The following CTDP1 variants were observed in gnomAD, a reference collection of about 807,000 sequenced individuals.
The protein encoded by CTDP1 is CTD phosphatase 1, also known as RNA polymerase II subunit A C-terminal domain phosphatase.
CTDP1 carries 47 observed loss-of-function variants against 91.8 expected under a neutral mutation model. The ratio of observed to expected loss-of-function variants is 0.51; its 90% CI spans 0.41 to 0.65. The LOEUF (loss-of-function observed/expected upper bound fraction) is 0.65, where lower values mean the gene tolerates loss of function less well. Ranked by LOEUF, CTDP1 falls within the 30% of genes least tolerant of loss-of-function variation. The pLI, the probability that CTDP1 is intolerant of heterozygous loss-of-function variation, is 0.00. For synonymous variants in CTDP1, 656 were observed against 598.5 expected (o/e 1.10, Z -1.40); for missense variants, 1,272 against 1,373.7 (o/e 0.93, Z 1.17).
chr18:79,706,178 C>T (rs1257902649), intron 5 of CTDP1, among the ~76,000 whole-genome samples: 5 of 152,196 alleles, frequency 3.3e-5, no homozygotes, highest in African/African-American at 9.7e-5. Flanking sequence ...AAGCCGGCGC[C>T]CACTGACCTG....
intron 4 of CTDP1, among the ~76,000 whole-genome samples, chr18:79,698,483 G>GT (rs1249449776): frequency 6.6e-6 from 1 of 152,198 alleles, no homozygotes; most frequent in Non-Finnish European, 1.5e-5. Context: ...GGGAAACACG[G>GT]GGAAATGCAG....
intron 3 of CTDP1, 122 bp from the exon 4 acceptor site, chr18:79,697,738 A>ATGGAGCG: frequency 6.9e-7 from 1 of 1,452,738 alleles, no homozygotes; most frequent in Non-Finnish European, 9.5e-7. Flanking sequence ...GGCGCAGTCC[A>ATGGAGCG]TGGAGCGTGG....
chr18:79,705,106 C>G (rs369631321), intron 5 of CTDP1, among the ~76,000 whole-genome samples, 189 bp downstream of exon 5: 1 of 152,110 alleles, frequency 6.6e-6, no homozygotes, highest in Non-Finnish European at 1.5e-5. Flanking sequence ...TGGGTGGGGC[C>G]GCGGCTGCTC....
chr18:79,710,547 G>A (rs2086059272), intron 6 of CTDP1, 111 bp downstream of exon 6: 2 of 836,308 alleles, frequency 2.4e-6, no homozygotes, highest in Admixed American at 1.9e-5. Context: ...TTTTGAGACG[G>A]AGTCTTGCTG....
chr18:79,747,681 G>A (rs1313920306), intron 12 of CTDP1, among the ~76,000 whole-genome samples: 4 of 152,254 alleles, frequency 2.6e-5, no homozygotes, highest in Non-Finnish European at 5.9e-5. Context: ...TATCCGCCAT[G>A]CGCAGCGCCT....
Position 79,754,150 on chromosome 18 carries a change from C to A in CTDP1, c.*360C>A. The A allele has an allele frequency of 2.8e-6, 1 of 360,114 alleles. No homozygotes were observed. Among genetic ancestry groups the A allele is most frequent in the South Asian group, 2.3e-5 (1 of 43,504 alleles). 22.3% of individuals were successfully genotyped at this position (360,114 alleles called of 1,614,324 possible). On this transcript the variant is annotated 3_prime_UTR_variant, in exon 13 of 13. Transcript: ENST00000613122. The stretch of plus-strand genomic sequence containing the variant: ...CCTTAGGGGACGGCTTTGGGGGTCC[C>A]ACGAGACATGGACTAGGAGTTTAAG...
At chr18:79,700,087 C>T (rs920041950) in intron 4 of CTDP1, among the ~76,000 whole-genome samples, 1 of 152,204 alleles carries the variant, frequency 6.6e-6, no homozygotes, top group Non-Finnish European at 1.5e-5. Context: ...CTGACTGCTC[C>T]ACCAACTGGC....
intron 1 of CTDP1, among the ~76,000 whole-genome samples, chr18:79,692,697 G>A (rs1474807170): frequency 6.6e-6 from 1 of 152,098 alleles, no homozygotes; most frequent in Non-Finnish European, 1.5e-5. Context: ...AGCCCGCCGT[G>A]AGCTGGTGTC....
intron 12 of CTDP1, among the ~76,000 whole-genome samples, chr18:79,752,056 C>T (rs896647935): frequency 6.6e-6 from 1 of 152,146 alleles, no homozygotes; most frequent in African/African-American, 2.4e-5. Context: ...AGCACGGCAC[C>T]AGGAGGGAGG....
chr18:79,739,794 A>T (rs1368118713), intron 12 of CTDP1, among the ~76,000 whole-genome samples: 1 of 151,112 alleles, frequency 6.6e-6, no homozygotes, highest in East Asian at 2.0e-4. Flanking sequence ...TGGGACTCTC[A>T]TACCCACGGC....
downstream of CTDP1, chr18:79,756,128 A>G (rs2087090470): frequency 6.6e-6 from 1 of 152,474 alleles, no homozygotes; most frequent in Admixed American, 6.5e-5. Flanking sequence ...GCCGTGCTGC[A>G]CACCTTCTCC....
In CTDP1 at chr18:79,713,091, A is replaced by G. The variant is rs1277209962; in HGVS notation, c.983A>G (p.Asp328Gly). The G allele has an allele frequency of 6.2e-7, 1 of 1,614,046 alleles. No homozygotes were observed. Among genetic ancestry groups the G allele is most frequent in the Non-Finnish European group, 8.5e-7 (1 of 1,180,040 alleles). The change falls in exon 7 of 13, where the codon GAT (aspartate) becomes GGT (glycine). Residue 328 changes from aspartate (D) to glycine (G), a missense_variant. Physicochemically the swap from Asp to Gly is moderately conservative, Grantham distance 94. Transcript: ENST00000613122. This position sits in a 1 kb window ranked among gnomAD's most constrained non-coding sequence, Gnocchi z 4.7. ...TATGTATACTTCCAGGGCACGGGTG[A>G]TATGAATGCGCCCCCTGGGTCCCGA... is the stretch of plus-strand genomic sequence containing the variant. ...KKYVYFQGTG[D>G]MNAPPGSRES... is the part of the protein sequence containing the mutation.
At chr18:79,731,285 C>T (rs377603388) in intron 11 of CTDP1, among the ~76,000 whole-genome samples, 5 of 152,148 alleles carry the variant, frequency 3.3e-5, no homozygotes, top group African/African-American at 9.7e-5. Context: ...ATTTCCGGCG[C>T]GTCAGTGTGT....
At chr18:79,728,333 G>T (rs1036989507) in intron 10 of CTDP1, among the ~76,000 whole-genome samples, 1 of 151,988 alleles carries the variant, frequency 6.6e-6, no homozygotes, top group African/African-American at 2.4e-5. Context: ...CTCCTCACCT[G>T]AAGTGATCCA....
In CTDP1 at chr18:79,717,934, G is replaced by A. The variant is rs1223039948; in HGVS notation, c.2335G>A (p.Gly779Arg). The A allele has an allele frequency of 9.9e-6, 16 of 1,613,454 alleles. No homozygotes were observed. The highest frequency in any genetic ancestry group is 1.2e-5 in the Non-Finnish European group (14 of 1,180,018). ...PEVRIYDSNT[G>R]KLIRTGARGP... ...GGTTCGGATCTACGACTCCAACACG[G>A]GGAAGCTCATCAGGACGGGCGCCCG... The change falls in exon 10 of 13, where the codon GGG (glycine) becomes AGG (arginine). Residue 779 changes from glycine to arginine, a missense_variant. Around this residue, in one of 3 missense-constraint regions of CTDP1, gnomAD observed 881 missense variants for 911.6 expected, o/e 0.97. Transcript: ENST00000613122.
At position 79,714,965 on chromosome 18, in the gene CTDP1, C is replaced by G. The variant is rs2086170771; in HGVS notation, c.1505C>G (p.Ser502Cys). The G allele has an allele frequency of 6.4e-7, 1 of 1,567,932 alleles. No individual in the cohort carries two copies. Among genetic ancestry groups the G allele is most frequent in the African/African-American group, 1.3e-5 (1 of 74,388 alleles). Residue 502 changes from serine (S) to cysteine (C), a missense_variant, in exon 8 of 13, where the codon TCC (serine) becomes TGC (cysteine). Physicochemically the swap from Ser to Cys is moderately radical, Grantham distance 112 (BLOSUM62 -1). Around this residue, in one of 3 missense-constraint regions of CTDP1, gnomAD observed 881 missense variants for 911.6 expected, o/e 0.97. Transcript: ENST00000613122. ...GCCGGGGCGCTGGCACAGGGCAGTT[C>G]CCTGGAGCCGGGGCGGCCTGCAGCA... ...EGAGALAQGSSLEPGRPAAPS... is the reference protein window; with the variant it reads ...EGAGALAQGSCLEPGRPAAPS...
chr18:79,703,466 C>T (rs1042451867), intron 4 of CTDP1: 5 of 152,226 alleles, frequency 3.3e-5, no homozygotes, highest in Admixed American at 2.0e-4. Context: ...GCTCATTTCA[C>T]TGTCTACTAA....
rs145055217 is a variant in CTDP1 at position 79,683,702 on chromosome 18, C to A, written c.314+3441C>A. On this transcript the variant is annotated intron_variant, in intron 1 of 12. Coordinates refer to ENST00000613122, the MANE Select transcript of CTDP1 (RefSeq NM_004715.5). Reference sequence around the variant, plus strand: ...ATGTGGCCACACAGTTTTGGTCCCTCAAGGGCTTACTGGTTGCCTGCGTGC... The same window carrying A: ...ATGTGGCCACACAGTTTTGGTCCCTAAAGGGCTTACTGGTTGCCTGCGTGC... Among the ~76,000 whole-genome samples, 267 of 152,388 alleles carry A rather than the reference C, an allele frequency of 1.8e-3. 2 individuals are homozygous for A. Among genetic ancestry groups the A allele is most frequent in the African/African-American group, 6.0e-3 (250 of 41,598 alleles).
chr18:79,736,081 A>C, intron 11 of CTDP1: 1 of 530,098 alleles, frequency 1.9e-6, no homozygotes, highest in Non-Finnish European at 3.4e-6. Context: ...CCAGGAATAA[A>C]GTCCCTGTTC....
Sources: gnomAD v4.1 joint callset for allele counts (sites outside exome capture counted in the v4.1 genomes callset) on GRCh38, gnomAD v4.1.1 for gene constraint, gnomAD v4.1.1 regional missense constraint, Gnocchi (gnomAD v3.1) non-coding constraint, MANE v1.5 for transcripts, NCBI Gene and HGNC (gene_info 2026-07-23, HGNC 2026-07-21) for gene names.